Variants in SIL1 observed in about 807,000 individuals in gnomAD.
SIL1 encodes SIL1 nucleotide exchange factor.
SIL1 carries 40 observed loss-of-function variants against 49.1 expected under a neutral mutation model. The observed-to-expected ratio is 0.81, with a 90% CI of 0.63 to 1.06. The LOEUF is 1.06. Among genes scored for constraint, SIL1 ranks in the 50% least tolerant of loss-of-function variants. The pLI is 0.00. For missense variants in SIL1, 500 were observed against 572.6 expected, an observed-to-expected ratio of 0.87 and a Z score of 1.29; for synonymous variants, 253 against 250.8, an observed-to-expected ratio of 1.01 and a Z score of -0.08.
At chr5:139,182,026 T>G (rs772145496) in intron 1 of SIL1, among the ~76,000 whole-genome samples, 22 of 152,132 alleles carry the variant, frequency 1.4e-4, no homozygotes, top group Non-Finnish European at 2.9e-4. Context: ...GGAAGGTTAT[T>G]TGAATTTAAA....
intron 7 of SIL1, among the ~76,000 whole-genome samples, chr5:138,955,896 T>C (rs1290276316): frequency 1.3e-5 from 2 of 152,136 alleles, no homozygotes; most frequent in Non-Finnish European, 1.5e-5. Context: ...GGCTGAAAAG[T>C]AAGCTTGAAT....
intron 3 of SIL1, among the ~76,000 whole-genome samples, chr5:139,077,005 A>T (rs1332341221): frequency 6.6e-6 from 1 of 152,162 alleles, no homozygotes; most frequent in African/African-American, 2.4e-5. Context: ...ATGGCAGCAC[A>T]CACCTGTAAA....
At chr5:139,133,895 T>C (rs528165355) in intron 1 of SIL1, among the ~76,000 whole-genome samples, 22 of 152,346 alleles carry the variant, frequency 1.4e-4, no homozygotes, top group East Asian at 3.9e-4. Flanking sequence ...GTATAACACA[T>C]GGACTTGAAG....
chr5:139,194,634 A>G (rs945031377), intron 1 of SIL1, among the ~76,000 whole-genome samples: 4 of 152,226 alleles, frequency 2.6e-5, no homozygotes, highest in African/African-American at 9.6e-5. Flanking sequence ...TCCAGGAGTT[A>G]GAGATGGCTG....
chr5:139,136,623 G>T (rs1224885622), intron 1 of SIL1, among the ~76,000 whole-genome samples: 1 of 152,178 alleles, frequency 6.6e-6, no homozygotes, highest in Non-Finnish European at 1.5e-5. Flanking sequence ...AATGTCAGGA[G>T]ATCAGTCACT....
chr5:138,985,511 C>T (rs190301924), intron 7 of SIL1, among the ~76,000 whole-genome samples: 1 of 152,286 alleles, frequency 6.6e-6, no homozygotes, highest in Non-Finnish European at 1.5e-5. Context: ...TCACGTGAAG[C>T]TTCTATGGGC....
chr5:139,149,283 A>T (rs902733941), intron 1 of SIL1, among the ~76,000 whole-genome samples: 4 of 152,242 alleles, frequency 2.6e-5, no homozygotes, highest in African/African-American at 9.6e-5. Context: ...ATTCTCCCAT[A>T]CAGGACAGCT....
intron 3 of SIL1, among the ~76,000 whole-genome samples, chr5:139,060,269 A>C (rs1292754212): frequency 6.6e-6 from 1 of 151,450 alleles, no homozygotes; most frequent in Non-Finnish European, 1.5e-5. Context: ...TCTCTTACAT[A>C]CTTTTTTTTT....
intron 7 of SIL1, among the ~76,000 whole-genome samples, chr5:139,020,945 A>G (rs890789037): frequency 2.0e-5 from 3 of 152,232 alleles, no homozygotes; most frequent in Non-Finnish European, 4.4e-5. Flanking sequence ...AAGATGTGTT[A>G]TTAAATGTCC....
At chr5:139,026,134 C>T (rs1340196853) in intron 6 of SIL1, among the ~76,000 whole-genome samples, 1 of 152,186 alleles carries the variant, frequency 6.6e-6, no homozygotes, top group Non-Finnish European at 1.5e-5. Flanking sequence ...CTTACATCAC[C>T]CTCTGGAGCC....
intron 7 of SIL1, among the ~76,000 whole-genome samples, chr5:138,952,396 A>G (rs1766802070): frequency 6.6e-6 from 1 of 152,222 alleles, no homozygotes. Flanking sequence ...CACATAGAAA[A>G]TGCTTGCGGG....
intron 3 of SIL1, among the ~76,000 whole-genome samples, chr5:139,110,803 G>A (rs1770823852): frequency 6.6e-6 from 1 of 152,224 alleles, no homozygotes; most frequent in Non-Finnish European, 1.5e-5. Flanking sequence ...GGGAAGGTTG[G>A]AGCAGGTTCA....
intron 3 of SIL1, among the ~76,000 whole-genome samples, chr5:139,074,116 G>A (rs1769892418): frequency 6.6e-6 from 1 of 152,206 alleles, no homozygotes; most frequent in African/African-American, 2.4e-5. Context: ...GAATGCAGTA[G>A]TGCAATCACA....
At chr5:139,179,535 A>G (rs1751944431) in intron 1 of SIL1, among the ~76,000 whole-genome samples, 1 of 152,178 alleles carries the variant, frequency 6.6e-6, no homozygotes, top group African/African-American at 2.4e-5. Context: ...AAGCAGGAGG[A>G]TCTTCTCCTT....
At chr5:139,161,014 C>T (rs1444768258) in intron 1 of SIL1, among the ~76,000 whole-genome samples, 2 of 152,038 alleles carry the variant, frequency 1.3e-5, no homozygotes, top group Admixed American at 6.5e-5. Flanking sequence ...GAGGCTGAGG[C>T]GGGTGGATCA....
In SIL1 at chr5:139,152,274, G is replaced by A. The variant is rs557350007; in HGVS notation, c.-10-24421C>T. ...TAATGCAACGTCAAAGTATCCTGGGGTAAAAGATCAGCAAATTACAAGTAT... is the reference window on the plus strand; with the variant it reads ...TAATGCAACGTCAAAGTATCCTGGGATAAAAGATCAGCAAATTACAAGTAT... On this transcript the variant is annotated intron_variant, in intron 1 of 9. Coordinates refer to ENST00000394817, the MANE Select transcript of SIL1 (RefSeq NM_022464.5). 2.6e-5 allele frequency among the ~76,000 whole-genome samples: 4 copies of A among 152,328 alleles called. No homozygotes were observed. The South Asian group carries it at 8.3e-4, about 32-fold the overall frequency.
chr5:139,175,824 G>A (rs538412943), intron 1 of SIL1, among the ~76,000 whole-genome samples: 124 of 152,240 alleles, frequency 8.1e-4, no homozygotes, highest in African/African-American at 2.8e-3. Context: ...TCAACTGAGC[G>A]TGGTGGCGCA....
chr5:138,979,879 G>T (rs1397236382), intron 7 of SIL1, among the ~76,000 whole-genome samples: 1 of 152,206 alleles, frequency 6.6e-6, no homozygotes, highest in Non-Finnish European at 1.5e-5. Flanking sequence ...CCTGAGAAGT[G>T]AACGGCATCA....
chr5:139,165,681 C>A lies in SIL1; in HGVS notation c.-11+32588G>T, dbSNP rs144395572. ...TTTTTATTATTATTATTTTTTGAGACGGGGTCTCACCCTGTCACCAGGCTG... is the reference window on the plus strand; with the variant it reads ...TTTTTATTATTATTATTTTTTGAGAAGGGGTCTCACCCTGTCACCAGGCTG... On this transcript the variant is annotated intron_variant, in intron 1 of 9. Transcript: ENST00000394817. Among the ~76,000 whole-genome samples the A allele has an allele frequency of 2.1e-3, 310 of 150,712 alleles. 2 individuals carry two copies. The highest frequency in any genetic ancestry group is 0.014 in the Middle Eastern group (4 of 286).
Sources: gnomAD v4.1 joint callset for allele counts (sites outside exome capture counted in the v4.1 genomes callset) on GRCh38, gnomAD v4.1.1 for gene constraint, MANE v1.5 for transcripts, NCBI Gene and HGNC (gene_info 2026-07-23, HGNC 2026-07-21) for gene names.